The following KIR2DL4 variants were observed in gnomAD, a reference collection of about 807,000 sequenced individuals.
The protein encoded by KIR2DL4 is killer cell immunoglobulin-like receptor 2DL4.
KIR2DL4 carries 41 observed loss-of-function variants against 31.0 expected under a neutral mutation model. The ratio of observed to expected loss-of-function variants is 1.32; its 90% CI spans 1.03 to 1.72. The LOEUF is 1.72. Among genes scored for constraint, KIR2DL4 ranks in the 40% most tolerant of loss-of-function variants. The pLI, the probability that KIR2DL4 is intolerant of heterozygous loss-of-function variation, is 0.00. For synonymous variants in KIR2DL4, 164 were observed against 133.6 expected (o/e 1.23, Z -1.57); for missense variants, 438 against 353.7 (o/e 1.24, Z -1.91).
chr19:54,803,956 A>G, intron 2 of KIR2DL4, 30 bp downstream of exon 2: 3 of 1,599,630 alleles, frequency 1.9e-6, no homozygotes, highest in Non-Finnish European at 2.6e-6. Flanking sequence ...ATGGGTTGCC[A>G]TCTTCACCCC....
chr19:54,808,787 G>A (rs1257913691), intron 4 of KIR2DL4, 46 bp from the exon 5 acceptor site: 1 of 1,338,354 alleles, frequency 7.5e-7, no homozygotes, highest in Non-Finnish European at 1.1e-6. Context: ...TTGAGTAGAA[G>A]ACAGGCATCC....
At chr19:54,804,691 T>C (rs949473363) in intron 2 of KIR2DL4, 102 bp from the exon 3 acceptor site, 3 of 1,290,444 alleles carry the variant, frequency 2.3e-6, no homozygotes, top group African/African-American at 1.5e-5. Flanking sequence ...CCAGGTGTGG[T>C]AGGAGCCTTA....
At chr19:54,806,759 G>C (rs2060555481) in intron 4 of KIR2DL4, among the ~76,000 whole-genome samples, 1 of 150,484 alleles carries the variant, frequency 6.6e-6, no homozygotes, top group African/African-American at 2.5e-5. Context: ...TGTAATCTCA[G>C]CATTTTGAGA....
intron 5 of KIR2DL4, among the ~76,000 whole-genome samples, chr19:54,809,153 G>C (rs1911768237): frequency 6.6e-6 from 1 of 151,112 alleles, no homozygotes; most frequent in South Asian, 2.1e-4. Flanking sequence ...TGCTGTGTTT[G>C]TTCTGCCTGC....
chr19:54,810,750 G>C (rs1222037075), intron 5 of KIR2DL4, among the ~76,000 whole-genome samples: 1 of 151,196 alleles, frequency 6.6e-6, no homozygotes, highest in African/African-American at 2.4e-5. Flanking sequence ...ACAGCCATTG[G>C]ACTTACCTCG....
At chr19:54,805,348 G>A (rs1270650024) in intron 3 of KIR2DL4, among the ~76,000 whole-genome samples, 1 of 151,268 alleles carries the variant, frequency 6.6e-6, no homozygotes, top group Non-Finnish European at 1.5e-5. Flanking sequence ...ACCTTGAGAT[G>A]GGGAGATGGC....
chr19:54,806,149 C>A, exon 4 of KIR2DL4: 3 of 1,611,986 alleles, frequency 1.9e-6, no homozygotes, highest in Non-Finnish European at 2.5e-6. Flanking sequence ...CTGGGTCCTG[C>A]CACCCACGGA....
chr19:54,806,191 G>C, exon 4 of KIR2DL4: 1 of 1,611,050 alleles, frequency 6.2e-7, no homozygotes, highest in Non-Finnish European at 8.5e-7. Flanking sequence ...TCTTTCCATG[G>C]ATCTCCCTAC....
chr19:54,805,953 C>T, exon 4 of KIR2DL4: 2 of 1,604,586 alleles, frequency 1.2e-6, no homozygotes, highest in South Asian at 1.1e-5. Flanking sequence ...CCTTCCAGGT[C>T]TATATGAGAA....
At chr19:54,810,992 T>C (rs2060834880) in intron 5 of KIR2DL4, among the ~76,000 whole-genome samples, 2 of 151,472 alleles carry the variant, frequency 1.3e-5, no homozygotes, top group Non-Finnish European at 2.9e-5. Flanking sequence ...AATTGTTTAA[T>C]CTTCACTTCA....
chr19:54,813,087 T>C (rs2060963484), intron 5 of KIR2DL4: 2 of 1,391,386 alleles, frequency 1.4e-6, no homozygotes, highest in Non-Finnish European at 2.0e-6. Flanking sequence ...GAGGAACTGC[T>C]ATGGTTAGCT....
In KIR2DL4 at chr19:54,808,784, G is replaced by A. The variant is rs1231830916; in HGVS notation, c.656-49G>A. On this transcript the variant is annotated intron_variant, in intron 4 of 7. Transcript: ENST00000359085. ...CAACCTCAAAGATTTCCATTGAGTA[G>A]AAGACAGGCATCCTCATTGCCACAC... 437 of 1,327,174 alleles carry A rather than the reference G, an allele frequency of 3.3e-4. 4 individuals are homozygous for A. In the African/African-American group the frequency reaches 6.1e-3, roughly 18 times the overall value. The allele number at this position is 1,327,174 out of a possible 1,614,324, so 82.2% of individuals were successfully genotyped here.
chr19:54,810,647 A>G (rs529464965), intron 5 of KIR2DL4, among the ~76,000 whole-genome samples: 20,914 of 150,638 alleles, frequency 0.14, 1,932 homozygotes, highest in Middle Eastern at 0.2. Context: ...TGGGAATGAC[A>G]TGGGGAGAAT....
chr19:54,808,965 T>C, intron 5 of KIR2DL4, 82 bp downstream of exon 5: 1 of 1,086,004 alleles, frequency 9.2e-7, no homozygotes, highest in Non-Finnish European at 1.4e-6. Context: ...GCTCAGCACC[T>C]GCCAGCTCTG....
intron 3 of KIR2DL4, among the ~76,000 whole-genome samples, chr19:54,805,735 G>T (rs977053406): frequency 6.6e-6 from 1 of 151,052 alleles, no homozygotes; most frequent in African/African-American, 2.5e-5. Flanking sequence ...AAACAAGAAG[G>T]TTGGCTACCC....
At chr19:54,803,623 C>T (rs1162012984) in exon 1 of KIR2DL4, 8 of 1,611,992 alleles carry the variant, frequency 5.0e-6, no homozygotes, top group Non-Finnish European at 6.8e-6. Context: ...CGAGCCGAGT[C>T]ACTGCGTCCT....
Position 54,813,026 on chromosome 19 carries a change from G to C in KIR2DL4, c.707-99G>C. On this transcript the variant is annotated intron_variant, in intron 5 of 7. Coordinates refer to ENST00000359085, the Ensembl canonical transcript of KIR2DL4. ...GCCTCGTGGGTGCTTGTCTTAAAGA[G>C]GTGTTTTATGTGGTTGCCTGGCAAC... 2 of 840,334 alleles carry C rather than the reference G, an allele frequency of 2.4e-6. 1 individual carries two copies. The highest frequency in any genetic ancestry group is 6.1e-5 in the East Asian group (2 of 32,692). The allele number at this position is 840,334 out of a possible 1,614,324, so 52.1% of individuals were successfully genotyped here. A position where few individuals can be genotyped will look rare whatever the true frequency, so the allele number is the denominator to read the frequency against.
At chr19:54,810,061 C>T (rs1265856860) in intron 5 of KIR2DL4, among the ~76,000 whole-genome samples, 1 of 149,504 alleles carries the variant, frequency 6.7e-6, no homozygotes, top group Non-Finnish European at 1.5e-5. Flanking sequence ...AATGAATGCA[C>T]CAGTGGACCA....
exon 8 of KIR2DL4, chr19:54,814,447 C>T (rs1390312603): frequency 3.0e-5 from 10 of 337,770 alleles, no homozygotes; most frequent in African/African-American, 2.2e-4. Context: ...CTTCTGGCAT[C>T]AGCAAACCTT....
Sources: gnomAD v4.1 joint callset for allele counts (sites outside exome capture counted in the v4.1 genomes callset) on GRCh38, gnomAD v4.1.1 for gene constraint, MANE v1.5 for transcripts, NCBI Gene and HGNC (gene_info 2026-07-23, HGNC 2026-07-21) for gene names.